Variants in KIF13B observed in about 807,000 individuals in gnomAD.
KIF13B encodes the protein kinesin-like protein KIF13B.
KIF13B carries 127 observed loss-of-function variants against 222.0 expected under a neutral mutation model. The observed-to-expected ratio is 0.57, with a 90% CI of 0.50 to 0.66. The LOEUF (loss-of-function observed/expected upper bound fraction) is 0.66, where lower values mean the gene tolerates loss of function less well. Among genes scored for constraint, KIF13B ranks in the 30% least tolerant of loss-of-function variants. KIF13B has a pLI of 0.00. For missense variants in KIF13B, 2,173 were observed against 2,379.0 expected, an observed-to-expected ratio of 0.91 and a Z score of 1.80; for synonymous variants, 976 against 919.0, an observed-to-expected ratio of 1.06 and a Z score of -1.12.
Position 29,141,361 on chromosome 8 carries a change from G to A in KIF13B, c.2335-744C>T, listed in dbSNP as rs1158042641. ...AAAAAAAAAAGGTGAGCCCCTATGG[G>A]AGTGGCTCTTTCATTATTTATTACT... is the stretch of plus-strand genomic sequence containing the variant. On this transcript the variant is annotated intron_variant, in intron 19 of 39. Transcript: ENST00000524189. Among the ~76,000 whole-genome samples the A allele has an allele frequency of 2.6e-5, 4 of 152,068 alleles. No homozygotes were observed. The East Asian group carries it at 7.7e-4, about 29-fold the overall frequency.
At chr8:29,143,001 T>C (rs1810888185) in intron 18 of KIF13B, among the ~76,000 whole-genome samples, 1 of 152,008 alleles carries the variant, frequency 6.6e-6, no homozygotes. Flanking sequence ...CACAGGTGCA[T>C]GCCAATACAC....
intron 3 of KIF13B, among the ~76,000 whole-genome samples, chr8:29,192,922 T>A (rs1425286561): frequency 7.2e-6 from 1 of 139,418 alleles, no homozygotes; most frequent in African/African-American, 2.7e-5. Context: ...CTGATGGGGG[T>A]AAGGGTGGGG....
rs561280411 is a variant in KIF13B, at chr8:29,140,049, A to C, written c.2613+14T>G. ...TTTGTATCAACGTAATACTAGGATGAAGCTGGGACTTACCATGCACACCAG... is the reference window on the plus strand; with the variant it reads ...TTTGTATCAACGTAATACTAGGATGCAGCTGGGACTTACCATGCACACCAG... On this transcript the variant is annotated intron_variant, in intron 21 of 39. Transcript: ENST00000524189. The C allele has an allele frequency of 8.3e-6, 13 of 1,562,834 alleles. No homozygotes were observed. The East Asian group carries it at 3.1e-4, about 37-fold the overall frequency.
At chr8:29,239,063 A>G (rs7842232) in intron 2 of KIF13B, among the ~76,000 whole-genome samples, 3,906 of 152,204 alleles carry the variant, frequency 0.026, 190 homozygotes, top group African/African-American at 0.09. Flanking sequence ...ACAAAACAAA[A>G]CAGAAAAGAA....
Position 29,108,129 on chromosome 8 carries a change from A to T in KIF13B, c.4215+10T>A, listed in dbSNP as rs778082836. ...CTTAAAACACTGATAGAAATAGTTAAAACACCTACCTTGTTGCTGCCTAGA... is the reference window on the plus strand; with the variant it reads ...CTTAAAACACTGATAGAAATAGTTATAACACCTACCTTGTTGCTGCCTAGA... On this transcript the variant is annotated intron_variant, in intron 35 of 39. Coordinates refer to ENST00000524189, the MANE Select transcript of KIF13B (RefSeq NM_015254.4). 3.1e-6 allele frequency: 5 copies of T among 1,605,920 alleles called. No homozygotes were observed. In the African/African-American group the frequency reaches 5.3e-5, roughly 17 times the overall value.
chr8:29,107,749 A>C (rs774602745), intron 35 of KIF13B, among the ~76,000 whole-genome samples: 1 of 151,838 alleles, frequency 6.6e-6, no homozygotes, highest in East Asian at 2.0e-4. Flanking sequence ...TTTAGTAGAG[A>C]CGGGGTTTCA....
intron 38 of KIF13B, among the ~76,000 whole-genome samples, 195 bp downstream of exon 38, chr8:29,075,086 A>C (rs944429897): frequency 2.0e-5 from 3 of 152,276 alleles, no homozygotes; most frequent in African/African-American, 7.2e-5. Flanking sequence ...TTTAGCAATC[A>C]TATGATTAAC....
intron 26 of KIF13B, among the ~76,000 whole-genome samples, chr8:29,125,738 A>T: frequency 8.3e-6 from 1 of 120,636 alleles, no homozygotes; most frequent in South Asian, 2.6e-4. Context: ...TTAGGAAAAG[A>T]AAACAAAGGA....
In KIF13B at chr8:29,123,496, G is replaced by C. The variant is rs1313632106; in HGVS notation, c.3353-4C>G. On this transcript the variant is annotated splice_polypyrimidine_tract_variant and splice_region_variant and intron_variant, in intron 27 of 39. Transcript: ENST00000524189. ...TCAGCATCATCCTCTGTTTTATCTAGAACATCGAGAATGAGGATTCAATGA... is the reference window on the plus strand; with the variant it reads ...TCAGCATCATCCTCTGTTTTATCTACAACATCGAGAATGAGGATTCAATGA... 1.2e-6 allele frequency: 2 copies of C among 1,613,574 alleles called. No homozygotes were observed. The highest frequency in any genetic ancestry group is 1.3e-5 in the African/African-American group (1 of 74,942).
At position 29,132,301 on chromosome 8, in the gene KIF13B, T is replaced by C. The variant is rs759833616; in HGVS notation, c.2942+7A>G. The C allele has an allele frequency of 1.4e-6, 2 of 1,477,478 alleles. No individual in the cohort carries two copies. Among genetic ancestry groups the C allele is most frequent in the South Asian group, 2.9e-5 (2 of 68,102 alleles). 91.5% of individuals were successfully genotyped at this position (1,477,478 alleles called of 1,614,324 possible). A position where few individuals can be genotyped will look rare whatever the true frequency, so the allele number is the denominator to read the frequency against. On this transcript the variant is annotated splice_region_variant and intron_variant, in intron 23 of 39. Coordinates refer to ENST00000524189, the MANE Select transcript of KIF13B (RefSeq NM_015254.4). The stretch of plus-strand genomic sequence containing the variant: ...TAAATGGAATCAGATGAACATCTAA[T>C]ATTCACCTGTCCCGAAGACTACGTG...
chr8:29,227,148 G>A (rs184036538), intron 2 of KIF13B, among the ~76,000 whole-genome samples: 199 of 152,248 alleles, frequency 1.3e-3, no homozygotes, highest in African/African-American at 4.7e-3. Context: ...CAATAAGGTA[G>A]TTAACCTATT....
At chr8:29,197,219 C>T (rs1024608391) in intron 2 of KIF13B, among the ~76,000 whole-genome samples, 1 of 149,606 alleles carries the variant, frequency 6.7e-6, no homozygotes, top group Admixed American at 6.7e-5. Context: ...CGCCTGTAGT[C>T]CCAGCTACTT....
chr8:29,191,498 A>G (rs1813185381), intron 3 of KIF13B, among the ~76,000 whole-genome samples: 1 of 152,246 alleles, frequency 6.6e-6, no homozygotes, highest in African/African-American at 2.4e-5. Context: ...ATAAATTATG[A>G]CATGCCCATG....
chr8:29,229,687 C>A (rs1815198642), intron 2 of KIF13B, among the ~76,000 whole-genome samples: 1 of 152,104 alleles, frequency 6.6e-6, no homozygotes, highest in Non-Finnish European at 1.5e-5. Context: ...AATGATAGTT[C>A]AAGAAACCAA....
chr8:29,157,642 T>C (rs989683151), intron 13 of KIF13B, among the ~76,000 whole-genome samples: 3 of 151,304 alleles, frequency 2.0e-5, no homozygotes, highest in Non-Finnish European at 2.9e-5. Context: ...GAGGTGGAGG[T>C]TGCAGTGAGC....
chr8:29,263,067 G>C lies in KIF13B; in HGVS notation c.-33C>G. On this transcript the variant is annotated 5_prime_UTR_variant, in exon 1 of 40. Transcript: ENST00000524189. ...CCGCCGAGGAACTCGTTCGGCTTCC[G>C]TCTGCCGCGGCCACCGGCGACTCTT... The C allele has an allele frequency of 6.4e-7, 1 of 1,566,044 alleles. No homozygotes were observed. The highest frequency in any genetic ancestry group is 1.2e-5 in the South Asian group (1 of 84,740).
intron 10 of KIF13B, among the ~76,000 whole-genome samples, chr8:29,175,420 C>T (rs542486034): frequency 8.5e-5 from 13 of 152,264 alleles, no homozygotes; most frequent in African/African-American, 2.9e-4. Context: ...GGGCAAGAAG[C>T]GCCCTCTGTT....
chr8:29,182,082 A>G, intron 6 of KIF13B, 76 bp from the exon 7 acceptor site: 2 of 1,097,440 alleles, frequency 1.8e-6, no homozygotes, highest in Non-Finnish European at 2.7e-6. Context: ...GCTCCATAAA[A>G]ATATACAATG....
In KIF13B at chr8:29,147,418, T is replaced by G. The variant is rs1811105444; in HGVS notation, c.1998A>C (p.Gln666His). The G allele has an allele frequency of 6.2e-7, 1 of 1,609,092 alleles. No individual in the cohort carries two copies. The highest frequency in any genetic ancestry group is 8.5e-7 in the Non-Finnish European group (1 of 1,177,832). Reference protein sequence around the residue: ...RFSFHSPSAQQRLRQWAEERE... With the variant: ...RFSFHSPSAQHRLRQWAEERE... ...TCTCCTCAGCCCACTGTCTTAAGCG[T>G]TGCTGAGCGCTGGGCGAGTGGAAAG... Residue 666 changes from glutamine (Q) to histidine (H), a missense_variant, in exon 17 of 40, where the codon CAA becomes CAC. Coordinates refer to ENST00000524189, the MANE Select transcript of KIF13B (RefSeq NM_015254.4).
Sources: gnomAD v4.1 joint callset for allele counts (sites outside exome capture counted in the v4.1 genomes callset) on GRCh38, gnomAD v4.1.1 for gene constraint, MANE v1.5 for transcripts, NCBI Gene and HGNC (gene_info 2026-07-23, HGNC 2026-07-21) for gene names.